The following ABTB3 variants were observed in gnomAD, a reference collection of about 807,000 sequenced individuals.
The protein encoded by ABTB3 is ankyrin repeat and BTB domain containing 3, also known as ankyrin repeat- and BTB/POZ domain-containing protein 3.
the ABTB3 span, among the ~76,000 whole-genome samples, chr12:107,330,696 C>T: frequency 6.6e-6 from 1 of 152,204 alleles, no homozygotes; most frequent in Non-Finnish European, 1.5e-5. Context: ...GTATTGTCTC[C>T]TCTAAACCAG....
At chr12:107,587,075 C>T in the ABTB3 span, among the ~76,000 whole-genome samples, 1 of 152,076 alleles carries the variant, frequency 6.6e-6, no homozygotes, top group Non-Finnish European at 1.5e-5. Context: ...ACAAGGAATT[C>T]AGAGAGAGAG....
At chr12:107,432,408 C>T in the ABTB3 span, among the ~76,000 whole-genome samples, 2 of 152,242 alleles carry the variant, frequency 1.3e-5, no homozygotes, top group Non-Finnish European at 2.9e-5. Context: ...CCTGTCAGCT[C>T]CTTCGAAGAA....
At chr12:107,529,164 GTGATGA>G in the ABTB3 span, among the ~76,000 whole-genome samples, 166 of 122,768 alleles carry the variant, frequency 1.4e-3, 2 homozygotes, top group South Asian at 0.037. Context: ...GATGATGGTA[GTGATGA>G]TGGTGATGGT....
the ABTB3 span, among the ~76,000 whole-genome samples, chr12:107,335,537 C>T: frequency 6.6e-6 from 1 of 152,058 alleles, no homozygotes; most frequent in Non-Finnish European, 1.5e-5. Context: ...TGTACACACA[C>T]ATCAGCAGAG....
chr12:107,633,254 T>A, the ABTB3 span, among the ~76,000 whole-genome samples: 1 of 152,120 alleles, frequency 6.6e-6, no homozygotes, highest in African/African-American at 2.4e-5. Context: ...CGTGAGGACA[T>A]AGCTAGAAGG....
the ABTB3 span, among the ~76,000 whole-genome samples, chr12:107,520,992 CAG>C: frequency 2.6e-5 from 4 of 152,178 alleles, no homozygotes; most frequent in Admixed American, 2.6e-4. Context: ...AAATAACAAA[CAG>C]AGAAGGAGAT....
At chr12:107,630,090 A>T in the ABTB3 span, among the ~76,000 whole-genome samples, 1 of 152,088 alleles carries the variant, frequency 6.6e-6, no homozygotes, top group Admixed American at 6.5e-5. Context: ...CTCCACAAAC[A>T]TGGACAGATT....
At chr12:107,557,225 CCACACCTAAGCTA>C in the ABTB3 span, among the ~76,000 whole-genome samples, 1 of 152,188 alleles carries the variant, frequency 6.6e-6, no homozygotes, top group South Asian at 2.1e-4. Flanking sequence ...AGCCTCGCCT[CCACACCTAAGCTA>C]CATGGTAGAG....
the ABTB3 span, among the ~76,000 whole-genome samples, chr12:107,337,251 T>C: frequency 7.9e-5 from 12 of 152,186 alleles, no homozygotes; most frequent in South Asian, 2.1e-4. Flanking sequence ...AATAGACTTG[T>C]ATGGGGTTGC....
At chr12:107,514,456 A>G in the ABTB3 span, among the ~76,000 whole-genome samples, 1 of 152,266 alleles carries the variant, frequency 6.6e-6, no homozygotes, top group South Asian at 2.1e-4. Context: ...CTCCAGGGAA[A>G]TTATTTCCTT....
At chr12:107,400,128 A>C in the ABTB3 span, among the ~76,000 whole-genome samples, 1 of 152,262 alleles carries the variant, frequency 6.6e-6, no homozygotes, top group African/African-American at 2.4e-5. Flanking sequence ...TGCTATTATG[A>C]ATAGTGCTGC....
chr12:107,478,006 A>G, the ABTB3 span, among the ~76,000 whole-genome samples: 1 of 152,240 alleles, frequency 6.6e-6, no homozygotes, highest in African/African-American at 2.4e-5. Flanking sequence ...TTTGGGAAGA[A>G]GACCCAGTGT....
the ABTB3 span, among the ~76,000 whole-genome samples, chr12:107,365,568 C>G: frequency 6.6e-6 from 1 of 152,186 alleles, no homozygotes; most frequent in Admixed American, 6.5e-5. Flanking sequence ...TGAGCTGATA[C>G]AAGCACCTAC....
chr12:107,526,903 G>A, the ABTB3 span, among the ~76,000 whole-genome samples: 1 of 152,078 alleles, frequency 6.6e-6, no homozygotes, highest in East Asian at 1.9e-4. Flanking sequence ...CCTGCCTTCA[G>A]CCCCTAGGGT....
At chr12:107,324,610 G>A in the ABTB3 span, among the ~76,000 whole-genome samples, 8 of 152,160 alleles carry the variant, frequency 5.3e-5, no homozygotes. Context: ...ATTGGGATGT[G>A]GGTTCAGAGG....
the ABTB3 span, among the ~76,000 whole-genome samples, chr12:107,454,191 G>A: frequency 6.6e-6 from 1 of 152,242 alleles, no homozygotes; most frequent in African/African-American, 2.4e-5. Context: ...ATTAGTCCCT[G>A]CTAATGCAGA....
At chr12:107,598,038 T>C in the ABTB3 span, among the ~76,000 whole-genome samples, 12 of 152,346 alleles carry the variant, frequency 7.9e-5, no homozygotes, top group South Asian at 4.1e-4. Context: ...CCTAGAGCAT[T>C]AGGCTCACCT....
At chr12:107,518,942 T>C in the ABTB3 span, among the ~76,000 whole-genome samples, 1 of 152,230 alleles carries the variant, frequency 6.6e-6, no homozygotes, top group Non-Finnish European at 1.5e-5. Context: ...TGTAACAACG[T>C]GTCTCCTTCA....
the ABTB3 span, among the ~76,000 whole-genome samples, chr12:107,327,809 C>T: frequency 1.3e-5 from 2 of 152,134 alleles, no homozygotes; most frequent in African/African-American, 2.4e-5. Context: ...TGAATCCTAA[C>T]GTCTTAGTGG....
Sources: allele counts gnomAD v4.1 joint callset (sites outside exome capture counted in the v4.1 genomes callset), GRCh38; gene constraint gnomAD v4.1.1; transcripts MANE v1.5; gene names NCBI Gene and HGNC (gene_info 2026-07-23, HGNC 2026-07-21).